CSMD1: variants seen among roughly 807,000 people sequenced by gnomAD.
CSMD1 encodes CUB and Sushi multiple domains 1.
In CSMD1, 213 loss-of-function variants were observed where a neutral mutation model predicts 417.5. That is an observed-to-expected ratio of 0.51 (90% CI 0.46 to 0.57). The LOEUF is 0.57. Ranked by LOEUF, CSMD1 falls within the 20% of genes least tolerant of loss-of-function variation. The pLI, the probability that CSMD1 is intolerant of heterozygous loss-of-function variation, is 0.00. For synonymous variants in CSMD1, 2,862 were observed against 1,736.8 expected (o/e 1.65, Z -16.11); for missense variants, 6,923 against 4,529.7 (o/e 1.53, Z -15.17).
intron 3 of CSMD1, among the ~76,000 whole-genome samples, chr8:4,268,812 T>A (rs1017116601): frequency 6.6e-5 from 10 of 152,092 alleles, no homozygotes; most frequent in African/African-American, 2.4e-4. Flanking sequence ...TATAAAATGG[T>A]TAATAGCCCC....
intron 3 of CSMD1, among the ~76,000 whole-genome samples, chr8:4,040,441 G>T (rs535121180): frequency 6.6e-6 from 1 of 152,190 alleles, no homozygotes; most frequent in Non-Finnish European, 1.5e-5. Context: ...AGAACTGGTA[G>T]TAGAGCTTGC....
intron 10 of CSMD1, among the ~76,000 whole-genome samples, chr8:3,531,308 G>A (rs952900947): frequency 6.6e-6 from 1 of 152,116 alleles, no homozygotes; most frequent in African/African-American, 2.4e-5. Flanking sequence ...GTGAGTACTA[G>A]TAATCAAAAC....
intron 5 of CSMD1, among the ~76,000 whole-genome samples, chr8:3,865,762 C>T (rs548469019): frequency 6.6e-6 from 1 of 152,220 alleles, no homozygotes; most frequent in African/African-American, 2.4e-5. Context: ...ATGCTATTTG[C>T]TAGGTTTCCG....
At chr8:4,372,436 A>G (rs1176139708) in intron 3 of CSMD1, among the ~76,000 whole-genome samples, 2 of 152,134 alleles carry the variant, frequency 1.3e-5, no homozygotes, top group African/African-American at 2.4e-5. Context: ...TTTGTATACC[A>G]TGAATTAGTG....
At chr8:4,849,343 G>C (rs1365313832) in intron 1 of CSMD1, among the ~76,000 whole-genome samples, 1 of 151,904 alleles carries the variant, frequency 6.6e-6, no homozygotes, top group Non-Finnish European at 1.5e-5. Flanking sequence ...GTAATAAGGT[G>C]AAGTTAATTT....
chr8:3,684,596 C>G (rs77679926), intron 7 of CSMD1, among the ~76,000 whole-genome samples: 1 of 127,940 alleles, frequency 7.8e-6, no homozygotes, highest in African/African-American at 2.9e-5. Flanking sequence ...CTGATACAGT[C>G]TTTTTTTTTT....
chr8:4,461,688 C>T (rs1289309895), intron 2 of CSMD1, among the ~76,000 whole-genome samples: 1 of 150,866 alleles, frequency 6.6e-6, no homozygotes, highest in Admixed American at 6.6e-5. Flanking sequence ...ATAGCTGGGG[C>T]CATGGGCAAA....
At chr8:4,344,474 C>A (rs1800666384) in intron 3 of CSMD1, among the ~76,000 whole-genome samples, 1 of 151,708 alleles carries the variant, frequency 6.6e-6, no homozygotes, top group African/African-American at 2.4e-5. Context: ...CAAATGTCTA[C>A]CTCTATCTCT....
At chr8:3,516,581 C>G (rs995936140) in intron 10 of CSMD1, among the ~76,000 whole-genome samples, 5 of 152,094 alleles carry the variant, frequency 3.3e-5, no homozygotes, top group Admixed American at 6.5e-5. Flanking sequence ...TCAGTGGCCA[C>G]AGAAATTTAC....
At chr8:3,620,838 A>G (rs1584973224) in intron 7 of CSMD1, among the ~76,000 whole-genome samples, 1 of 152,176 alleles carries the variant, frequency 6.6e-6, no homozygotes, top group East Asian at 1.9e-4. Context: ...TTTTAAATAT[A>G]AATTGATTTA....
At chr8:4,784,009 G>T (rs1375689374) in intron 1 of CSMD1, among the ~76,000 whole-genome samples, 2 of 152,154 alleles carry the variant, frequency 1.3e-5, no homozygotes, top group Admixed American at 1.3e-4. Flanking sequence ...TACGATTAGT[G>T]AAAATTATGG....
At position 3,980,483 on chromosome 8, in the gene CSMD1, A is replaced by C. The variant is rs368007877; in HGVS notation, c.818+17420T>G. Among the ~76,000 whole-genome samples the C allele has an allele frequency of 6.0e-4, 91 of 152,170 alleles. No individual in the cohort carries two copies. The South Asian group carries it at 6.8e-3, about 11-fold the overall frequency. On this transcript the variant is annotated intron_variant, in intron 5 of 69. Transcript: ENST00000635120. ...AGATTTTTTTTTGCCAAACTTCCTC[A>C]CAATTCACTCTGCTCGTCTCTGCTT...
chr8:4,227,349 G>T (rs945855673), intron 3 of CSMD1, among the ~76,000 whole-genome samples: 2 of 152,074 alleles, frequency 1.3e-5, no homozygotes, highest in African/African-American at 2.4e-5. Context: ...GTCCTAATAA[G>T]AGGTCTATTG....
rs1246909504 is a variant in CSMD1, at chr8:2,936,634, C to G, written c.*1951G>C. On this transcript the variant is annotated 3_prime_UTR_variant, in exon 70 of 70. Coordinates refer to ENST00000635120, the MANE Select transcript of CSMD1 (RefSeq NM_033225.6). ...AGAATTCAGCATAATGATACAGAAT[C>G]CAACAGCGTGGGGTTCACAAGACAA... The G allele has an allele frequency of 1.3e-5, 2 of 152,210 alleles. No homozygotes were observed. The highest frequency in any genetic ancestry group is 4.8e-5 in the African/African-American group (2 of 41,440). The allele number at this position is 152,210 out of a possible 1,614,324, so 9.4% of individuals were successfully genotyped here.
intron 3 of CSMD1, among the ~76,000 whole-genome samples, chr8:4,055,637 T>G (rs1490901313): frequency 6.6e-6 from 1 of 152,068 alleles, no homozygotes; most frequent in Non-Finnish European, 1.5e-5. Context: ...TGGAAAATAT[T>G]AAAACAGAAA....
intron 5 of CSMD1, among the ~76,000 whole-genome samples, chr8:3,986,490 C>A (rs569145777): frequency 6.6e-6 from 1 of 152,146 alleles, no homozygotes; most frequent in Non-Finnish European, 1.5e-5. Flanking sequence ...ACTTCCCTGG[C>A]TACCAAAAGC....
chr8:3,967,687 G>C (rs1456052465), intron 5 of CSMD1, among the ~76,000 whole-genome samples: 1 of 152,108 alleles, frequency 6.6e-6, no homozygotes, highest in Non-Finnish European at 1.5e-5. Flanking sequence ...GCTGGGGTGA[G>C]CTTCAAAGGG....
intron 37 of CSMD1, among the ~76,000 whole-genome samples, chr8:3,172,206 G>A (rs1820621846): frequency 6.6e-6 from 1 of 151,914 alleles, no homozygotes; most frequent in South Asian, 2.1e-4. Context: ...TTTCTTCTTT[G>A]TCTTCCTTTT....
intron 10 of CSMD1, among the ~76,000 whole-genome samples, chr8:3,550,185 C>T (rs1008533112): frequency 2.0e-5 from 3 of 152,166 alleles, no homozygotes; most frequent in African/African-American, 7.2e-5. Context: ...GATCCCGATT[C>T]TCCCATATGC....
Sources: allele counts gnomAD v4.1 joint callset (sites outside exome capture counted in the v4.1 genomes callset), GRCh38; gene constraint gnomAD v4.1.1; transcripts MANE v1.5; gene names NCBI Gene and HGNC (gene_info 2026-07-23, HGNC 2026-07-21).